Variants in CLYBL observed in about 807,000 individuals in gnomAD.
CLYBL encodes the protein citramalyl-CoA lyase, mitochondrial.
Under a neutral mutation model 38.9 loss-of-function variants are expected in CLYBL, and 31 were observed. The observed-to-expected ratio is 0.80, with a 90% CI of 0.60 to 1.08. The LOEUF is 1.08. CLYBL is among the 50% of genes least tolerant of loss of function. CLYBL has a pLI of 0.00. For synonymous variants in CLYBL, 171 were observed against 158.6 expected (o/e 1.08, Z -0.59); for missense variants, 434 against 411.6 (o/e 1.05, Z -0.47).
intron 1 of CLYBL, among the ~76,000 whole-genome samples, chr13:99,687,709 C>T (rs1463370405): frequency 6.6e-6 from 1 of 152,212 alleles, no homozygotes; most frequent in Non-Finnish European, 1.5e-5. Context: ...ATCAAATCTT[C>T]ATTACATACC....
intron 2 of CLYBL, among the ~76,000 whole-genome samples, chr13:99,797,610 C>T (rs546465649): frequency 1.1e-3 from 96 of 88,508 alleles, no homozygotes; most frequent in South Asian, 2.3e-3. Flanking sequence ...CACTCCACAG[C>T]TGAGCTCTTG....
intron 1 of CLYBL, among the ~76,000 whole-genome samples, chr13:99,637,477 A>G (rs1321165832): frequency 6.6e-6 from 1 of 152,226 alleles, no homozygotes; most frequent in Non-Finnish European, 1.5e-5. Context: ...TTTTAAAACC[A>G]TAGCCGGGCA....
At chr13:99,637,925 C>G (rs891689281) in intron 1 of CLYBL, among the ~76,000 whole-genome samples, 1 of 143,504 alleles carries the variant, frequency 7.0e-6, no homozygotes, top group African/African-American at 2.6e-5. Context: ...AAGCCAGTTA[C>G]GGATCATTCT....
chr13:99,640,507 T>C (rs867929908), intron 1 of CLYBL, among the ~76,000 whole-genome samples: 1 of 152,238 alleles, frequency 6.6e-6, no homozygotes, highest in Non-Finnish European at 1.5e-5. Context: ...GGTTTTTCCC[T>C]GTAGTGTTCT....
chr13:99,704,776 C>T (rs2048120802), intron 1 of CLYBL, among the ~76,000 whole-genome samples: 3 of 152,272 alleles, frequency 2.0e-5, no homozygotes, highest in Admixed American at 6.5e-5. Flanking sequence ...ACTTCATTGT[C>T]CTAGAATATT....
intron 1 of CLYBL, among the ~76,000 whole-genome samples, chr13:99,623,942 G>A: frequency 7.2e-6 from 1 of 139,088 alleles, no homozygotes; most frequent in African/African-American, 2.7e-5. Flanking sequence ...CTGGGCAACA[G>A]AGTGAGACTC....
At chr13:99,636,535 G>GGGACACCTGCTCCCCGGCAC (rs2047020560) in intron 1 of CLYBL, among the ~76,000 whole-genome samples, 1 of 151,832 alleles carries the variant, frequency 6.6e-6, no homozygotes, top group African/African-American at 2.4e-5. Flanking sequence ...CTCCCTGGCA[G>GGGACACCTGCTCCCCGGCAC]CTGGGACACC....
At position 99,686,333 on chromosome 13, in the gene CLYBL, G is replaced by A. The variant is rs117707894; in HGVS notation, c.62+79576G>A. Reference sequence around the variant, plus strand: ...GGCAGCTCCTAGTGCTGAGCTCACCGGCTCGGCCCAGCACCAGCACCACCT... The same window carrying A: ...GGCAGCTCCTAGTGCTGAGCTCACCAGCTCGGCCCAGCACCAGCACCACCT... On this transcript the variant is annotated intron_variant, in intron 1 of 8. Transcript: ENST00000339105. Among the ~76,000 whole-genome samples the A allele has an allele frequency of 1.3e-3, 204 of 152,308 alleles. 2 individuals carry two copies. In the East Asian group the frequency reaches 0.037, roughly 28 times the overall value.
chr13:99,649,359 C>T (rs1044000118), intron 1 of CLYBL, among the ~76,000 whole-genome samples: 9 of 152,162 alleles, frequency 5.9e-5, no homozygotes, highest in Non-Finnish European at 5.9e-5. Context: ...CTAATTGGCA[C>T]CCATTTTTCA....
At chr13:99,742,686 A>G (rs2048776757) in intron 1 of CLYBL, among the ~76,000 whole-genome samples, 1 of 152,246 alleles carries the variant, frequency 6.6e-6, no homozygotes, top group Non-Finnish European at 1.5e-5. Context: ...GTGGAATTAG[A>G]CACACCATAA....
chr13:99,752,165 G>C (rs1047701707), intron 1 of CLYBL, among the ~76,000 whole-genome samples: 5 of 152,152 alleles, frequency 3.3e-5, no homozygotes, highest in Non-Finnish European at 1.5e-5. Flanking sequence ...AACTCCATTG[G>C]GAAGACAGTT....
intron 2 of CLYBL, among the ~76,000 whole-genome samples, chr13:99,788,791 T>A (rs1019070432): frequency 1.3e-5 from 2 of 152,216 alleles, no homozygotes; most frequent in African/African-American, 4.8e-5. Flanking sequence ...AGCTCCTCCT[T>A]GTACCTCTGG....
chr13:99,727,169 A>AC (rs1436165409), intron 1 of CLYBL: 1 of 151,994 alleles, frequency 6.6e-6, no homozygotes, highest in Non-Finnish European at 1.5e-5. Context: ...AAAAAAAAAA[A>AC]AAAACTTTGT....
chr13:99,721,169 G>C (rs1056633813), intron 1 of CLYBL, among the ~76,000 whole-genome samples: 5 of 151,546 alleles, frequency 3.3e-5, no homozygotes, highest in Non-Finnish European at 7.4e-5. Context: ...TAAGCCTCCT[G>C]AGTAGCTGGG....
chr13:99,702,464 C>T (rs1420860851), intron 1 of CLYBL, among the ~76,000 whole-genome samples: 2 of 152,070 alleles, frequency 1.3e-5, no homozygotes, highest in East Asian at 1.9e-4. Flanking sequence ...AACCCTGTCT[C>T]TACTAAAAAA....
chr13:99,795,426 G>A (rs544877056), intron 2 of CLYBL, among the ~76,000 whole-genome samples: 67 of 152,230 alleles, frequency 4.4e-4, no homozygotes, highest in African/African-American at 1.6e-3. Flanking sequence ...GGCTGAGGAG[G>A]GAGGATCACT....
At chr13:99,845,536 G>A (rs1209089580) in intron 2 of CLYBL, among the ~76,000 whole-genome samples, 2 of 152,244 alleles carry the variant, frequency 1.3e-5, no homozygotes, top group Non-Finnish European at 2.9e-5. Context: ...TGGAAAGCGC[G>A]ATGGAAATCA....
chr13:99,779,226 T>C (rs1257503185), intron 2 of CLYBL, among the ~76,000 whole-genome samples: 1 of 152,114 alleles, frequency 6.6e-6, no homozygotes, highest in Non-Finnish European at 1.5e-5. Flanking sequence ...CACTGCAACC[T>C]CTGCCTCCTG....
chr13:99,869,663 A>G lies in CLYBL; in HGVS notation c.803-1275A>G, dbSNP rs902109421. Reference sequence around the variant, plus strand: ...CCACTTAAACTCTTTTACATGAAACACTAAAAATATGTTTTTACAAGCATC... The same window carrying G: ...CCACTTAAACTCTTTTACATGAAACGCTAAAAATATGTTTTTACAAGCATC... On this transcript the variant is annotated intron_variant, in intron 6 of 8. Transcript: ENST00000339105. The surrounding 1 kb of genome is among the most constrained non-coding windows in gnomAD (Gnocchi z 4.3). Among the ~76,000 whole-genome samples the G allele has an allele frequency of 1.3e-5, 2 of 152,150 alleles. No homozygotes were observed. The highest frequency in any genetic ancestry group is 1.3e-4 in the Admixed American group (2 of 15,278).
Sources: gnomAD v4.1 joint callset for allele counts (sites outside exome capture counted in the v4.1 genomes callset) on GRCh38, gnomAD v4.1.1 for gene constraint, Gnocchi (gnomAD v3.1) non-coding constraint, MANE v1.5 for transcripts, NCBI Gene and HGNC (gene_info 2026-07-23, HGNC 2026-07-21) for gene names.